TMCO5A: variants seen among roughly 807,000 people sequenced by gnomAD.
The protein encoded by TMCO5A is transmembrane and coiled-coil domains 5A.
Under a neutral mutation model 42.3 loss-of-function variants are expected in TMCO5A, and 34 were observed. That is an observed-to-expected ratio of 0.80 (90% CI 0.61 to 1.07). TMCO5A has a LOEUF of 1.07. Among genes scored for constraint, TMCO5A ranks in the 50% least tolerant of loss-of-function variants. The pLI, the probability that TMCO5A is intolerant of heterozygous loss-of-function variation, is 0.00. For missense variants in TMCO5A, 357 were observed against 327.9 expected (o/e 1.09, Z -0.69); for synonymous variants, 131 against 115.6 (o/e 1.13, Z -0.86).
chr15:38,025,282 T>G, the TMCO5A span, among the ~76,000 whole-genome samples: 1 of 151,986 alleles, frequency 6.6e-6, no homozygotes, highest in Non-Finnish European at 1.5e-5. Flanking sequence ...AGATTACCCC[T>G]TTCATGGTCT....
At chr15:37,953,233 G>A (rs533346062), downstream of TMCO5A, among the ~76,000 whole-genome samples, 12 of 152,236 alleles carry the variant, frequency 7.9e-5, no homozygotes, top group African/African-American at 2.9e-4. Flanking sequence ...CCATAGCCAG[G>A]TAGTGACTAC....
At chr15:37,974,894 T>C in the TMCO5A span, among the ~76,000 whole-genome samples, 3 of 152,342 alleles carry the variant, frequency 2.0e-5, no homozygotes, top group Admixed American at 6.5e-5. Flanking sequence ...TAAATTTTTC[T>C]CTAAACACTG....
the TMCO5A span, among the ~76,000 whole-genome samples, chr15:38,008,022 G>A: frequency 4.0e-5 from 6 of 151,042 alleles, no homozygotes; most frequent in South Asian, 2.1e-4. Flanking sequence ...CAGCCTCCCG[G>A]GTTGCTGGGA....
At chr15:37,968,132 G>C (rs1475422945), downstream of TMCO5A, among the ~76,000 whole-genome samples, 1 of 152,170 alleles carries the variant, frequency 6.6e-6, no homozygotes. Context: ...AGTGTCCCAT[G>C]CTTAGAATCT....
the TMCO5A span, among the ~76,000 whole-genome samples, chr15:37,999,991 T>C: frequency 6.6e-6 from 1 of 152,226 alleles, no homozygotes; most frequent in Non-Finnish European, 1.5e-5. Flanking sequence ...CTTTCTTTTT[T>C]TGATGTGTCT....
At chr15:38,007,989 A>G in the TMCO5A span, among the ~76,000 whole-genome samples, 26 of 138,090 alleles carry the variant, frequency 1.9e-4, no homozygotes, top group Middle Eastern at 4.4e-3. Flanking sequence ...TCCGCCTCCC[A>G]GGTTCACGCC....
chr15:37,936,516 G>A lies in TMCO5A; in HGVS notation c.140+53G>A. On this transcript the variant is annotated intron_variant, in intron 3 of 11. Transcript: ENST00000319669. ...TTCCCAATCCAAAGAAGGGGTGGAG[G>A]ACCAAAACCAAAACTGAATTTTCCT... The A allele has an allele frequency of 6.4e-6, 10 of 1,563,818 alleles. No homozygotes were observed. The South Asian group carries it at 9.6e-5, about 15-fold the overall frequency.
chr15:37,998,354 T>A, the TMCO5A span, among the ~76,000 whole-genome samples: 1 of 152,208 alleles, frequency 6.6e-6, no homozygotes, highest in Admixed American at 6.5e-5. Context: ...AGGACTTTAA[T>A]CCATTTTCAT....
In TMCO5A at chr15:37,936,990, G is replaced by A. The variant is rs746483929; in HGVS notation, c.264+20G>A. The A allele has an allele frequency of 1.2e-6, 2 of 1,611,052 alleles. No homozygotes were observed. Among genetic ancestry groups the A allele is most frequent in the Non-Finnish European group, 1.7e-6 (2 of 1,178,492 alleles). ...AGACTTGTAAGCAAGAAGTTGGGAA[G>A]AGCCATTTAATAGGTTGCATTCCTC... On this transcript the variant is annotated intron_variant, in intron 4 of 11. Coordinates refer to ENST00000319669, the MANE Select transcript of TMCO5A (RefSeq NM_152453.4).
At chr15:38,014,322 A>T in the TMCO5A span, among the ~76,000 whole-genome samples, 2 of 151,962 alleles carry the variant, frequency 1.3e-5, no homozygotes, top group Non-Finnish European at 1.5e-5. Flanking sequence ...AGAATTTCAA[A>T]ACCTCCCTGC....
intron 11 of TMCO5A, among the ~76,000 whole-genome samples, chr15:37,950,396 T>C (rs1158369677): frequency 6.6e-6 from 1 of 152,132 alleles, no homozygotes; most frequent in East Asian, 1.9e-4. Context: ...TTCTTTAACA[T>C]CTTAGAGCAA....
intron 11 of TMCO5A, among the ~76,000 whole-genome samples, chr15:37,957,287 G>A (rs1476434533): frequency 2.0e-5 from 3 of 152,148 alleles, no homozygotes; most frequent in African/African-American, 7.2e-5. Flanking sequence ...ATTCCAAAAA[G>A]AGGAAGTCAA....
At chr15:37,954,512 G>A (rs528609947), downstream of TMCO5A, among the ~76,000 whole-genome samples, 3 of 152,050 alleles carry the variant, frequency 2.0e-5, no homozygotes, top group South Asian at 4.1e-4. Flanking sequence ...AAAATCTGAG[G>A]GACTTCATCA....
rs1252873314 is a variant in TMCO5A at position 37,941,736 on chromosome 15, G to A, written c.504+6G>A. On this transcript the variant is annotated splice_donor_region_variant and intron_variant, in intron 8 of 11. Transcript: ENST00000319669. ...ATCAAGCCCTCTACATAAAGGTAGAGCTTCTTGGTAAAGGGATAGCAAAGG... is the reference window on the plus strand; with the variant it reads ...ATCAAGCCCTCTACATAAAGGTAGAACTTCTTGGTAAAGGGATAGCAAAGG... 5 of 1,608,884 alleles carry A rather than the reference G, an allele frequency of 3.1e-6. 1 individual carries two copies. The highest frequency in any genetic ancestry group is 3.4e-6 in the Non-Finnish European group (4 of 1,175,758).
At chr15:37,972,365 G>A (rs1284068568), downstream of TMCO5A, among the ~76,000 whole-genome samples, 1 of 152,156 alleles carries the variant, frequency 6.6e-6, no homozygotes, top group Non-Finnish European at 1.5e-5. Flanking sequence ...TGAGATTTGG[G>A]TGGGGACACA....
chr15:38,001,625 G>A, the TMCO5A span, among the ~76,000 whole-genome samples: 2 of 151,020 alleles, frequency 1.3e-5, no homozygotes, highest in South Asian at 4.2e-4. Flanking sequence ...ATTTTCTCTG[G>A]TGGTATGTTT....
At chr15:38,017,965 C>T in the TMCO5A span, among the ~76,000 whole-genome samples, 1 of 152,130 alleles carries the variant, frequency 6.6e-6, no homozygotes. Context: ...TCTTGCTCTG[C>T]CATGGGAAGA....
chr15:38,011,187 C>G, the TMCO5A span, among the ~76,000 whole-genome samples: 2 of 152,192 alleles, frequency 1.3e-5, no homozygotes, highest in African/African-American at 2.4e-5. Flanking sequence ...AGGTTGGAAT[C>G]AAGATATCGG....
At chr15:38,040,333 A>T in the TMCO5A span, 1 of 152,178 alleles carries the variant, frequency 6.6e-6, no homozygotes, top group Non-Finnish European at 1.5e-5. Context: ...GGCTCCACAG[A>T]CACTGAAGCG....
Sources: allele counts gnomAD v4.1 joint callset (sites outside exome capture counted in the v4.1 genomes callset), GRCh38; gene constraint gnomAD v4.1.1; transcripts MANE v1.5; gene names NCBI Gene and HGNC (gene_info 2026-07-23, HGNC 2026-07-21).